The following E2F7 variants were observed in gnomAD, a reference collection of about 807,000 sequenced individuals.
E2F7 encodes transcription factor E2F7.
E2F7 carries 35 observed loss-of-function variants against 81.1 expected under a neutral mutation model. The observed-to-expected ratio is 0.43, with a 90% CI of 0.33 to 0.57. E2F7 has a LOEUF of 0.57. E2F7 is among the 20% of genes least tolerant of loss of function. The pLI, the probability that E2F7 is intolerant of heterozygous loss-of-function variation, is 0.04. For missense variants in E2F7, 961 were observed against 1,093.7 expected (o/e 0.88, Z 1.71); for synonymous variants, 416 against 416.2 (o/e 1.00, Z 0.01).
chr12:77,040,994 TG>T (rs776721522), intron 7 of E2F7, among the ~76,000 whole-genome samples: 2 of 152,176 alleles, frequency 1.3e-5, no homozygotes, highest in Non-Finnish European at 2.9e-5. Context: ...AAAGGAAACT[TG>T]ATGTTATCAG....
At chr12:77,060,729 G>A (rs1277862701) in intron 2 of E2F7, among the ~76,000 whole-genome samples, 1 of 152,142 alleles carries the variant, frequency 6.6e-6, no homozygotes, top group Non-Finnish European at 1.5e-5. Flanking sequence ...TCATTGCAAT[G>A]ACTACATGTT....
intron 11 of E2F7, 31 bp from the exon 12 acceptor site, chr12:77,026,013 A>G (rs1029321758): frequency 2.5e-6 from 4 of 1,571,100 alleles, no homozygotes; most frequent in Non-Finnish European, 3.5e-6. Context: ...GCGAAAATCA[A>G]TATATGTCAT....
chr12:77,036,484 C>T (rs1954850333), intron 7 of E2F7, among the ~76,000 whole-genome samples: 1 of 151,780 alleles, frequency 6.6e-6, no homozygotes. Context: ...ATGATCATGC[C>T]ATCGCGCCAC....
chr12:77,031,631 ACT>A (rs901658086), intron 9 of E2F7, among the ~76,000 whole-genome samples: 19 of 152,140 alleles, frequency 1.2e-4, no homozygotes, highest in Non-Finnish European at 2.4e-4. Context: ...ACAGAGTGAG[ACT>A]CTGTCTCCAA....
intron 4 of E2F7, 91 bp from the exon 5 acceptor site, chr12:77,046,419 C>A (rs546762783): frequency 7.0e-5 from 97 of 1,393,450 alleles, no homozygotes; most frequent in Non-Finnish European, 8.6e-5. Context: ...CTGTGAACTA[C>A]TTTGTCTGAT....
At chr12:77,045,734 C>T in intron 5 of E2F7, 2 of 330,588 alleles carry the variant, frequency 6.0e-6, no homozygotes, top group Non-Finnish European at 1.1e-5. Flanking sequence ...CAAAGTAAAT[C>T]TTACAGTTGC....
At chr12:77,038,622 G>A (rs1954872233) in intron 7 of E2F7, among the ~76,000 whole-genome samples, 1 of 152,092 alleles carries the variant, frequency 6.6e-6, no homozygotes, top group South Asian at 2.1e-4. Context: ...AGTACTGAGA[G>A]GAAAATTTAT....
At chr12:77,064,484 T>C in intron 2 of E2F7, 59 bp downstream of exon 2, 3 of 1,372,548 alleles carry the variant, frequency 2.2e-6, no homozygotes, top group South Asian at 1.2e-5. Flanking sequence ...GAACACTTAA[T>C]TGAATTCAAC....
chr12:77,055,755 G>A, intron 3 of E2F7, 100 bp downstream of exon 3: 1 of 1,385,256 alleles, frequency 7.2e-7, no homozygotes, highest in Admixed American at 2.5e-5. Context: ...ACTGCTTTTG[G>A]CTCAATAGGA....
In E2F7 at chr12:77,056,046, A is replaced by G. The variant is rs756444172; in HGVS notation, c.178T>C (p.Phe60Leu). The change falls in exon 3 of 13, where the codon TTT becomes CTT. Residue 60 changes from phenylalanine to leucine, a missense_variant. Phe to Leu is a conservative substitution (Grantham distance 22). This residue lies in a region of E2F7 where 73 missense variants were observed against 68.4 expected (regional missense o/e 1.07). Transcript: ENST00000322886. Reference protein sequence around the residue: ...EPIDLSKQKKFTPERNPITPV... With the variant: ...EPIDLSKQKKLTPERNPITPV... Reference sequence around the variant, plus strand: ...GTAATGGGATTTCTTTCTGGAGTAAATTTTTTTTGCTTCGATAAATCAATT... The same window carrying G: ...GTAATGGGATTTCTTTCTGGAGTAAGTTTTTTTTGCTTCGATAAATCAATT... 1.9e-6 allele frequency: 3 copies of G among 1,613,290 alleles called. No individual in the cohort carries two copies. Among genetic ancestry groups the G allele is most frequent in the East Asian group, 2.2e-5 (1 of 44,850 alleles).
intron 1 of E2F7, among the ~76,000 whole-genome samples, 189 bp downstream of exon 1, chr12:77,065,156 C>G (rs1217932062): frequency 1.3e-5 from 2 of 152,218 alleles, no homozygotes; most frequent in Non-Finnish European, 2.9e-5. Context: ...AAGGGCAAAT[C>G]CCCTCTACTG....
At chr12:77,061,341 GAC>G (rs1955077231) in intron 2 of E2F7, among the ~76,000 whole-genome samples, 1 of 152,128 alleles carries the variant, frequency 6.6e-6, no homozygotes, top group Non-Finnish European at 1.5e-5. Flanking sequence ...AGACATGAAT[GAC>G]ATTCAAAGAA....
Position 77,024,113 on chromosome 12 carries a change from G to A in E2F7, c.2638C>T (p.Leu880Phe), listed in dbSNP as rs564155547. Residue 880 changes from leucine (L) to phenylalanine (F), a missense_variant, in exon 13 of 13, where the codon CTT becomes TTT. Physicochemically the swap from Leu to Phe is conservative, Grantham distance 22 (BLOSUM62 0). Coordinates refer to ENST00000322886, the MANE Select transcript of E2F7 (RefSeq NM_203394.3). Reference sequence around the variant, plus strand: ...CTTCTCTTCAGGACAGGGTCTCCAAGGCTGCCGGGTGTCTTGAAAAACGTC... The same window carrying A: ...CTTCTCTTCAGGACAGGGTCTCCAAAGCTGCCGGGTGTCTTGAAAAACGTC... ...RETFFKTPGS[L>F]GDPVLKRRER... The A allele has an allele frequency of 3.7e-6, 6 of 1,614,048 alleles. No homozygotes were observed. The highest frequency in any genetic ancestry group is 5.1e-6 in the Non-Finnish European group (6 of 1,180,014).
At chr12:77,044,430 G>A (rs1021922259) in intron 6 of E2F7, 22 of 608,814 alleles carry the variant, frequency 3.6e-5, no homozygotes, top group South Asian at 2.6e-4. Flanking sequence ...TGAAACCACC[G>A]AGGAAAAGGC....
intron 3 of E2F7, among the ~76,000 whole-genome samples, chr12:77,051,578 T>C (rs930109140): frequency 6.6e-6 from 1 of 152,088 alleles, no homozygotes; most frequent in East Asian, 1.9e-4. Flanking sequence ...ATGGGACATG[T>C]ATACATATGT....
At chr12:77,032,954 T>G in intron 9 of E2F7, 96 bp downstream of exon 9, 1 of 1,195,974 alleles carries the variant, frequency 8.4e-7, no homozygotes, top group Non-Finnish European at 1.2e-6. Context: ...ACGGCTGACC[T>G]AAATTTTTTC....
rs202210778 is a variant in E2F7, at chr12:77,044,646, T to G, written c.979A>C (p.Lys327Gln). 4 of 1,613,932 alleles carry G rather than the reference T, an allele frequency of 2.5e-6. No homozygotes were observed. The highest frequency in any genetic ancestry group is 3.4e-6 in the Non-Finnish European group (4 of 1,179,962). The change falls in exon 6 of 13, where the codon AAA becomes CAA. Residue 327 changes from lysine (K) to glutamine (Q), a missense_variant. Physicochemically the swap from Lys to Gln is moderately conservative, Grantham distance 53. Around this residue, in one of 3 missense-constraint regions of E2F7, gnomAD observed 301 missense variants for 405.0 expected, o/e 0.74. Transcript: ENST00000322886. ...AGGTGAAGATTCTTACTTTTAAATTTACTATGGTCTGGGGCATCTTGGCTT... is the reference window on the plus strand; with the variant it reads ...AGGTGAAGATTCTTACTTTTAAATTGACTATGGTCTGGGGCATCTTGGCTT... Reference protein sequence around the residue: ...EESQDAPDHSKFKTKVRRLYD... With the variant: ...EESQDAPDHSQFKTKVRRLYD...
Position 77,023,908 on chromosome 12 carries a change from A to G in E2F7, c.*107T>C. The G allele has an allele frequency of 7.5e-7, 1 of 1,332,388 alleles. No individual in the cohort carries two copies. Among genetic ancestry groups the G allele is most frequent in the South Asian group, 1.4e-5 (1 of 69,432 alleles). 82.5% of individuals were successfully genotyped at this position (1,332,388 alleles called of 1,614,324 possible). ...GGGAAGTTAACAGAAGTGTGGATGA[A>G]AGAGAGAGGAAGGACCCGTGCTCAG... On this transcript the variant is annotated 3_prime_UTR_variant, in exon 13 of 13. Transcript: ENST00000322886.
rs1954791583 is a variant in E2F7, at chr12:77,029,982, G to A, written c.1733C>T (p.Ser578Leu). 1 of 1,614,058 alleles carries A rather than the reference G, an allele frequency of 6.2e-7. No homozygotes were observed. Among genetic ancestry groups the A allele is most frequent in the African/African-American group, 1.3e-5 (1 of 74,918 alleles). ...CAGCTCTACTGTGGCTGGGGCTTCT[G>A]AGCTTCTGTCATCCCTCTCTGACCC... Reference protein sequence around the residue: ...GSGSERDDRSSEAPATVELSS... With the variant: ...GSGSERDDRSLEAPATVELSS... The change falls in exon 10 of 13, where the codon TCA becomes TTA. Residue 578 changes from serine (S) to leucine (L), a missense_variant. Transcript: ENST00000322886.
Sources: allele counts gnomAD v4.1 joint callset (sites outside exome capture counted in the v4.1 genomes callset), GRCh38; gene constraint gnomAD v4.1.1; regional missense constraint gnomAD v4.1.1; transcripts MANE v1.5; gene names NCBI Gene and HGNC (gene_info 2026-07-23, HGNC 2026-07-21).